The following GPR89B variants were observed in gnomAD, a reference collection of about 807,000 sequenced individuals.
GPR89B encodes the protein G protein-coupled receptor 89B.
Under a neutral mutation model 52.4 loss-of-function variants are expected in GPR89B, and 25 were observed. That is an observed-to-expected ratio of 0.48 (90% CI 0.35 to 0.67). The LOEUF is 0.67. GPR89B is among the 30% of genes least tolerant of loss of function. GPR89B has a pLI of 0.01. For synonymous variants in GPR89B, 52 were observed against 151.2 expected, an observed-to-expected ratio of 0.34 and a Z score of 4.81; for missense variants, 146 against 450.2, an observed-to-expected ratio of 0.32 and a Z score of 6.11.
At chr1:147,995,699 A>T, downstream of GPR89B, 1 of 1,608,370 alleles carries the variant, frequency 6.2e-7, no homozygotes, top group Non-Finnish European at 8.5e-7. Flanking sequence ...AACAATAGGG[A>T]TTTTCTTAGC....
intron 3 of GPR89B, among the ~76,000 whole-genome samples, chr1:147,942,070 T>C (rs1208896710): frequency 1.3e-5 from 2 of 151,848 alleles, no homozygotes; most frequent in Admixed American, 1.3e-4. Flanking sequence ...TATCTGATAA[T>C]GGACTGGGAC....
At chr1:147,957,674 T>C (rs1402663077) in intron 7 of GPR89B, among the ~76,000 whole-genome samples, 9 of 151,818 alleles carry the variant, frequency 5.9e-5, no homozygotes, top group African/African-American at 2.2e-4. Context: ...AGGTTTTGAA[T>C]TGCATGAGTA....
downstream of GPR89B, among the ~76,000 whole-genome samples, chr1:147,994,788 A>T (rs1353601485): frequency 6.6e-6 from 1 of 151,976 alleles, no homozygotes; most frequent in Non-Finnish European, 1.5e-5. Context: ...ATCAGTGGGC[A>T]TTGTGTGTGT....
chr1:147,976,127 T>C (rs1383013860), intron 10 of GPR89B, among the ~76,000 whole-genome samples: 92 of 152,362 alleles, frequency 6.0e-4, no homozygotes, highest in Non-Finnish European at 6.0e-4. Flanking sequence ...ATGTATATTC[T>C]GTTGTTTTTG....
chr1:147,962,794 A>T (rs1282057646), intron 7 of GPR89B, among the ~76,000 whole-genome samples: 1 of 151,232 alleles, frequency 6.6e-6, no homozygotes, highest in Admixed American at 6.6e-5. Flanking sequence ...GCTACTGGGG[A>T]GGCTGAGGCA....
chr1:148,010,178 C>G, the GPR89B span: 2 of 152,472 alleles, frequency 1.3e-5, no homozygotes, highest in Admixed American at 1.3e-4. Context: ...GCAACAGGCA[C>G]TTAGAGAAAA....
the GPR89B span, chr1:148,011,773 T>G: frequency 6.6e-6 from 1 of 152,244 alleles, no homozygotes; most frequent in Non-Finnish European, 1.5e-5. Flanking sequence ...TGTGTCCCTG[T>G]TATTGTGTGT....
chr1:147,968,625 G>C, intron 8 of GPR89B: 1 of 594,912 alleles, frequency 1.7e-6, no homozygotes, highest in Non-Finnish European at 3.0e-6. Flanking sequence ...ATCTGTTTGA[G>C]CTGCTTGACT....
At chr1:147,984,800 G>T (rs1157272821) in intron 10 of GPR89B, among the ~76,000 whole-genome samples, 81 of 150,830 alleles carry the variant, frequency 5.4e-4, no homozygotes, top group Non-Finnish European at 8.7e-4. Context: ...TAAAATATTT[G>T]AGGATCTTCC....
At chr1:148,018,353 A>G in the GPR89B span, among the ~76,000 whole-genome samples, 1 of 145,462 alleles carries the variant, frequency 6.9e-6, no homozygotes. Context: ...TGGGAGGCAG[A>G]GCTTGCAGTG....
At chr1:148,019,904 T>C in the GPR89B span, among the ~76,000 whole-genome samples, 2 of 151,670 alleles carry the variant, frequency 1.3e-5, no homozygotes, top group Non-Finnish European at 2.9e-5. Flanking sequence ...CATAAGAAGT[T>C]AAAAGCAAGA....
the GPR89B span, among the ~76,000 whole-genome samples, chr1:148,014,018 CTG>C: frequency 2.0e-5 from 3 of 151,338 alleles, no homozygotes; most frequent in Non-Finnish European, 4.4e-5. Flanking sequence ...TCTCCAAAGA[CTG>C]TAGGGAGACC....
At chr1:148,008,328 T>C in the GPR89B span, among the ~76,000 whole-genome samples, 1 of 152,164 alleles carries the variant, frequency 6.6e-6, no homozygotes, top group African/African-American at 2.4e-5. Context: ...ATTTTCTTTT[T>C]TTTACCACTT....
At chr1:147,972,597 T>G (rs1400658886) in intron 10 of GPR89B, among the ~76,000 whole-genome samples, 1 of 151,978 alleles carries the variant, frequency 6.6e-6, no homozygotes, top group Non-Finnish European at 1.5e-5. Flanking sequence ...TCTTTTCATG[T>G]GCTTTTTTTC....
At chr1:147,977,186 A>G (rs1244331038) in intron 10 of GPR89B, among the ~76,000 whole-genome samples, 1 of 138,924 alleles carries the variant, frequency 7.2e-6, no homozygotes, top group Non-Finnish European at 1.5e-5. Flanking sequence ...GTGAGCCGAG[A>G]CTATGCCACT....
downstream of GPR89B, among the ~76,000 whole-genome samples, chr1:147,997,004 C>T (rs1659329642): frequency 6.6e-6 from 1 of 151,742 alleles, no homozygotes; most frequent in Admixed American, 6.6e-5. Flanking sequence ...GGATGCGGTA[C>T]AAGGATCCCA....
At chr1:147,929,351 T>G (rs1164879094) in intron 1 of GPR89B, among the ~76,000 whole-genome samples, 1 of 151,836 alleles carries the variant, frequency 6.6e-6, no homozygotes, top group Non-Finnish European at 1.5e-5. Flanking sequence ...TAATTATTGT[T>G]TCTTCCTAGC....
chr1:148,009,255 A>G, the GPR89B span: 6 of 1,479,168 alleles, frequency 4.1e-6, no homozygotes, highest in Non-Finnish European at 5.5e-6. Context: ...CAGTCGAAGA[A>G]AAGTCATTAA....
chr1:147,979,419 G>A (rs1658073581), intron 10 of GPR89B, among the ~76,000 whole-genome samples: 1 of 151,914 alleles, frequency 6.6e-6, no homozygotes, highest in Non-Finnish European at 1.5e-5. Flanking sequence ...AAAACCTTCA[G>A]TACAAAGTTG....
Sources: allele counts gnomAD v4.1 joint callset (sites outside exome capture counted in the v4.1 genomes callset), GRCh38; gene constraint gnomAD v4.1.1; transcripts MANE v1.5; gene names NCBI Gene and HGNC (gene_info 2026-07-23, HGNC 2026-07-21).